The following FHIT variants were observed in gnomAD, a reference collection of about 807,000 sequenced individuals.
FHIT encodes bis(5'-adenosyl)-triphosphatase.
Under a neutral mutation model 17.9 loss-of-function variants are expected in FHIT, and 19 were observed. The observed-to-expected ratio is 1.06, with a 90% CI of 0.74 to 1.56. The LOEUF (loss-of-function observed/expected upper bound fraction) is 1.56. Among genes scored for constraint, FHIT ranks in the 40% most tolerant of loss-of-function variants. The probability of loss-of-function intolerance (pLI) is 0.00; values close to 1 mark genes in which losing one functional copy is unlikely to be tolerated. For missense variants in FHIT, 248 were observed against 189.2 expected (o/e 1.31, Z -1.82); for synonymous variants, 81 against 69.7 (o/e 1.16, Z -0.81).
chr3:60,731,290 C>A (rs2042024385), intron 4 of FHIT, among the ~76,000 whole-genome samples: 2 of 152,124 alleles, frequency 1.3e-5, no homozygotes, highest in Admixed American at 6.6e-5. Context: ...AGAAAGAGTT[C>A]AACCAAGGGG....
In FHIT at chr3:60,760,600, C is replaced by T. The variant is rs375283869; in HGVS notation, c.-18+61319G>A. On this transcript the variant is annotated intron_variant, in intron 4 of 9. Transcript: ENST00000492590. ...TTTTCCTGCTCCCGTCAGCTTAAAA[C>T]GAAAAGTTTCTCTACTTAGCCCATG... 3.3e-4 allele frequency among the ~76,000 whole-genome samples: 47 copies of T among 141,746 alleles called. No homozygotes were observed. The South Asian group carries it at 5.4e-3, about 16-fold the overall frequency. 93.0% of individuals were successfully genotyped at this position (141,746 alleles called of 152,430 possible).
At chr3:60,919,422 T>C (rs1454252096) in intron 3 of FHIT, among the ~76,000 whole-genome samples, 2 of 151,284 alleles carry the variant, frequency 1.3e-5, no homozygotes, top group Non-Finnish European at 2.9e-5. Context: ...TTTAAAGCTG[T>C]CTATATCTAT....
chr3:60,064,599 T>C (rs73840547), intron 5 of FHIT, among the ~76,000 whole-genome samples: 4,169 of 152,306 alleles, frequency 0.027, 162 homozygotes, highest in African/African-American at 0.093. Context: ...GTCATAGCTA[T>C]AGCTGACTCT....
chr3:59,896,418 C>T (rs1362323870), intron 8 of FHIT, among the ~76,000 whole-genome samples: 1 of 152,114 alleles, frequency 6.6e-6, no homozygotes, highest in African/African-American at 2.4e-5. Context: ...CAAATAGCAT[C>T]CTTTATTTAA....
chr3:61,175,585 G>A (rs2107148333), intron 2 of FHIT, among the ~76,000 whole-genome samples: 1 of 152,196 alleles, frequency 6.6e-6, no homozygotes, highest in South Asian at 2.1e-4. Context: ...ACAGTATTGG[G>A]AGATGTGGCC....
At chr3:59,950,480 A>C (rs1707059787) in intron 7 of FHIT, among the ~76,000 whole-genome samples, 1 of 152,164 alleles carries the variant, frequency 6.6e-6, no homozygotes. Flanking sequence ...AATTGAAACT[A>C]TCACTCACTC....
rs1332571170 is a variant in FHIT, at chr3:60,475,308, TC to T, written c.103+61551del. On this transcript the variant is annotated intron_variant, in intron 5 of 9. Coordinates refer to ENST00000492590, the MANE Select transcript of FHIT (RefSeq NM_002012.4). ...TAACTCAGTAACTTAAATGTTTTTC[TC>T]CCTTAGCTGAAATGATGCATGCCAC... Among the ~76,000 whole-genome samples the T allele has an allele frequency of 3.3e-5, 5 of 152,212 alleles. No homozygotes were observed. In the East Asian group the frequency reaches 9.6e-4, roughly 29 times the overall value.
chr3:60,418,104 T>C (rs187006834), intron 5 of FHIT, among the ~76,000 whole-genome samples: 1 of 152,146 alleles, frequency 6.6e-6, no homozygotes, highest in Admixed American at 6.5e-5. Context: ...AGGCTGCTAA[T>C]CTGTGTGCAT....
intron 3 of FHIT, among the ~76,000 whole-genome samples, chr3:60,839,214 C>G (rs782200044): frequency 6.6e-6 from 1 of 152,160 alleles, no homozygotes; most frequent in Non-Finnish European, 1.5e-5. Flanking sequence ...TACTATAACA[C>G]TCTTTTTAAA....
At chr3:60,368,764 T>G (rs1576549228) in intron 5 of FHIT, among the ~76,000 whole-genome samples, 1 of 152,152 alleles carries the variant, frequency 6.6e-6, no homozygotes. Flanking sequence ...TGTAAGATAT[T>G]TTTTCTCTAA....
chr3:60,330,067 C>T (rs1709890918), intron 5 of FHIT, among the ~76,000 whole-genome samples: 1 of 152,152 alleles, frequency 6.6e-6, no homozygotes, highest in Non-Finnish European at 1.5e-5. Flanking sequence ...TTCATGATCT[C>T]ACCAATACAT....
chr3:60,836,363 A>T (rs562124331), intron 3 of FHIT, among the ~76,000 whole-genome samples: 1 of 152,248 alleles, frequency 6.6e-6, no homozygotes, highest in African/African-American at 2.4e-5. Context: ...ATTATTCTTT[A>T]AATGTTTGGT....
chr3:60,665,909 G>C (rs1234918815), intron 4 of FHIT, among the ~76,000 whole-genome samples: 11 of 151,836 alleles, frequency 7.2e-5, no homozygotes, highest in African/African-American at 2.7e-4. Context: ...ATTTCATTTT[G>C]ATATACAGTG....
chr3:60,735,897 T>C (rs1344116992), intron 4 of FHIT, among the ~76,000 whole-genome samples: 1 of 152,216 alleles, frequency 6.6e-6, no homozygotes, highest in Non-Finnish European at 1.5e-5. Context: ...AGAACTTAAA[T>C]TCCAATACTG....
chr3:60,536,728 AGT>A (rs2035993684), intron 5 of FHIT, 130 bp downstream of exon 5: 1 of 914,896 alleles, frequency 1.1e-6, no homozygotes, highest in African/African-American at 1.7e-5. Flanking sequence ...GTGTCTCCGA[AGT>A]GGGAGGGAGA....
At chr3:61,192,880 C>T (rs2038756363) in intron 2 of FHIT, among the ~76,000 whole-genome samples, 1 of 152,186 alleles carries the variant, frequency 6.6e-6, no homozygotes, top group African/African-American at 2.4e-5. Context: ...GAGGCATCAC[C>T]TTGTCTCAGT....
At chr3:60,832,091 C>T (rs187364189) in intron 3 of FHIT, among the ~76,000 whole-genome samples, 2 of 152,058 alleles carry the variant, frequency 1.3e-5, no homozygotes, top group African/African-American at 4.8e-5. Context: ...TAATAGGCAG[C>T]ATTTATATAA....
intron 4 of FHIT, among the ~76,000 whole-genome samples, chr3:60,812,281 G>A (rs1701593870): frequency 1.3e-5 from 2 of 150,676 alleles, no homozygotes; most frequent in Non-Finnish European, 2.9e-5. Flanking sequence ...TTTTGCCTCA[G>A]CCTCCCAAGC....
chr3:61,228,837 T>C (rs1034851895), intron 1 of FHIT, among the ~76,000 whole-genome samples: 1 of 152,194 alleles, frequency 6.6e-6, no homozygotes, highest in Non-Finnish European at 1.5e-5. Context: ...ACTACCTTCA[T>C]ACATTCGATG....
Sources: allele counts gnomAD v4.1 joint callset (sites outside exome capture counted in the v4.1 genomes callset), GRCh38; gene constraint gnomAD v4.1.1; transcripts MANE v1.5; gene names NCBI Gene and HGNC (gene_info 2026-07-23, HGNC 2026-07-21).